PTPRD: variants seen among roughly 807,000 people sequenced by gnomAD.
PTPRD encodes the protein protein tyrosine phosphatase receptor type D.
A neutral mutation model predicts 214.5 loss-of-function variants in PTPRD; 34 were observed. The observed-to-expected ratio is 0.16, with a 90% CI of 0.12 to 0.21. The LOEUF (loss-of-function observed/expected upper bound fraction) is 0.21, where lower values mean the gene tolerates loss of function less well. Among genes scored for constraint, PTPRD ranks in the 10% least tolerant of loss-of-function variants. PTPRD has a pLI of 1.00. For missense variants in PTPRD, 2,545 were observed against 2,398.7 expected (o/e 1.06, Z -1.27); for synonymous variants, 1,128 against 845.7 (o/e 1.33, Z -5.79).
At chr9:9,164,975 C>A (rs1036925089) in intron 10 of PTPRD, among the ~76,000 whole-genome samples, 1 of 151,222 alleles carries the variant, frequency 6.6e-6, no homozygotes, top group African/African-American at 2.4e-5. Context: ...ATCGCTTAAC[C>A]CAAGAGGCAG....
At chr9:10,514,031 C>G (rs991553773) in intron 2 of PTPRD, among the ~76,000 whole-genome samples, 3 of 152,134 alleles carry the variant, frequency 2.0e-5, no homozygotes, top group African/African-American at 7.2e-5. Context: ...CTTTGTAGAT[C>G]AGTATTACAC....
intron 3 of PTPRD, among the ~76,000 whole-genome samples, chr9:10,166,629 C>T (rs968370561): frequency 6.6e-6 from 1 of 151,964 alleles, no homozygotes; most frequent in East Asian, 1.9e-4. Context: ...TCAGCATAAA[C>T]TCTGCTGTGA....
intron 4 of PTPRD, among the ~76,000 whole-genome samples, chr9:10,022,750 T>C (rs1158412137): frequency 3.3e-5 from 5 of 152,210 alleles, no homozygotes; most frequent in Non-Finnish European, 5.9e-5. Context: ...GCCACTAGAA[T>C]GAATAAAATG....
At chr9:10,270,075 T>A (rs2094333101) in intron 3 of PTPRD, among the ~76,000 whole-genome samples, 1 of 152,144 alleles carries the variant, frequency 6.6e-6, no homozygotes, top group South Asian at 2.1e-4. Context: ...TGTTCAGTAG[T>A]ATTTTTGTTT....
chr9:10,071,934 T>C (rs1271068743), intron 3 of PTPRD, among the ~76,000 whole-genome samples: 1 of 151,994 alleles, frequency 6.6e-6, no homozygotes, highest in Non-Finnish European at 1.5e-5. Flanking sequence ...TATTATCTAC[T>C]AAATTATATA....
At chr9:10,125,227 A>T (rs115244852) in intron 3 of PTPRD, among the ~76,000 whole-genome samples, 2,346 of 152,046 alleles carry the variant, frequency 0.015, 52 homozygotes, top group African/African-American at 0.053. Context: ...AGATACTATT[A>T]TACTATCTTC....
chr9:10,437,596 C>T (rs2098728441), intron 2 of PTPRD, among the ~76,000 whole-genome samples: 1 of 151,612 alleles, frequency 6.6e-6, no homozygotes, highest in African/African-American at 2.4e-5. Context: ...AGGGTTATTT[C>T]ACTGAATATT....
chr9:8,501,312 A>C (rs953697197), intron 23 of PTPRD, among the ~76,000 whole-genome samples: 5 of 152,162 alleles, frequency 3.3e-5, no homozygotes, highest in Non-Finnish European at 7.3e-5. Flanking sequence ...TGAAAATGAG[A>C]CCTCGAGATA....
intron 21 of PTPRD, among the ~76,000 whole-genome samples, chr9:8,516,271 CAAAT>C (rs1435684528): frequency 1.3e-5 from 2 of 151,946 alleles, no homozygotes; most frequent in Non-Finnish European, 2.9e-5. Flanking sequence ...ATTACTACAG[CAAAT>C]AAATACAGAA....
intron 12 of PTPRD, among the ~76,000 whole-genome samples, chr9:8,647,021 T>C (rs530177461): frequency 5.3e-5 from 8 of 152,350 alleles, no homozygotes; most frequent in Admixed American, 3.9e-4. Flanking sequence ...GTGACATACC[T>C]TGCCACTGCA....
intron 5 of PTPRD, among the ~76,000 whole-genome samples, chr9:9,901,545 A>G (rs2076399937): frequency 6.6e-6 from 1 of 152,038 alleles, no homozygotes; most frequent in Admixed American, 6.6e-5. Flanking sequence ...ATATATAACC[A>G]AAGTTTAAAA....
intron 2 of PTPRD, among the ~76,000 whole-genome samples, chr9:10,454,822 C>G (rs72698995): frequency 6.6e-6 from 1 of 151,742 alleles, no homozygotes; most frequent in Admixed American, 6.6e-5. Context: ...CACACACACA[C>G]ACACACATGC....
At chr9:8,667,909 C>G (rs1417325498) in intron 12 of PTPRD, among the ~76,000 whole-genome samples, 1 of 152,004 alleles carries the variant, frequency 6.6e-6, no homozygotes, top group East Asian at 1.9e-4. Flanking sequence ...AATAGGGAGT[C>G]TCTCTGAGCC....
In PTPRD at chr9:8,843,529, C is replaced by A. The variant is rs112521033; in HGVS notation, c.-103-109583G>T. On this transcript the variant is annotated intron_variant, in intron 11 of 45. Transcript: ENST00000381196. ...TTCTATGTCGGTGCTGGTTCTATAT[C>A]ATGGCCACTAGCTACATGTGGTTAT... Among the ~76,000 whole-genome samples, 374 of 152,322 alleles carry A rather than the reference C, an allele frequency of 2.5e-3. 1 individual carries two copies. The highest frequency in any genetic ancestry group is 8.6e-3 in the African/African-American group (358 of 41,574).
intron 32 of PTPRD, among the ~76,000 whole-genome samples, chr9:8,462,158 T>G (rs914341415): frequency 2.0e-4 from 31 of 152,000 alleles, no homozygotes; most frequent in African/African-American, 7.5e-4. Context: ...TAGTATGAGT[T>G]TCTTAATTTT....
At chr9:10,510,344 C>T (rs1031546250) in intron 2 of PTPRD, among the ~76,000 whole-genome samples, 1 of 152,030 alleles carries the variant, frequency 6.6e-6, no homozygotes, top group African/African-American at 2.4e-5. Context: ...TTTTATAGTA[C>T]ACAGCTTTAT....
intron 3 of PTPRD, among the ~76,000 whole-genome samples, chr9:10,246,289 G>T (rs1239259488): frequency 6.6e-6 from 1 of 152,122 alleles, no homozygotes; most frequent in Non-Finnish European, 1.5e-5. Flanking sequence ...TGTTGCCCCG[G>T]CTGGAGTGCA....
intron 2 of PTPRD, among the ~76,000 whole-genome samples, chr9:10,468,680 G>A (rs2099010593): frequency 6.6e-6 from 1 of 151,892 alleles, no homozygotes; most frequent in African/African-American, 2.4e-5. Flanking sequence ...GAAGTCAGAG[G>A]GAAAGGCTTA....
At chr9:9,268,256 T>C (rs1424100910) in intron 9 of PTPRD, among the ~76,000 whole-genome samples, 2 of 151,086 alleles carry the variant, frequency 1.3e-5, no homozygotes, top group South Asian at 2.1e-4. Context: ...AAAACAATCC[T>C]ATTTACAACA....
Sources: allele counts gnomAD v4.1 joint callset (sites outside exome capture counted in the v4.1 genomes callset), GRCh38; gene constraint gnomAD v4.1.1; transcripts MANE v1.5; gene names NCBI Gene and HGNC (gene_info 2026-07-23, HGNC 2026-07-21).